Variants in AGAP3 observed in about 807,000 individuals in gnomAD.
AGAP3 encodes the protein ArfGAP with GTPase domain, ankyrin repeat and PH domain 3, also known as arf-GAP with GTPase, ANK repeat and PH domain-containing protein 3.
AGAP3 carries 24 observed loss-of-function variants against 96.9 expected under a neutral mutation model. The ratio of observed to expected loss-of-function variants is 0.25; its 90% CI spans 0.18 to 0.35. The LOEUF (loss-of-function observed/expected upper bound fraction) is 0.35, where lower values mean the gene tolerates loss of function less well. Ranked by LOEUF, AGAP3 falls within the 10% of genes least tolerant of loss-of-function variation. The probability of loss-of-function intolerance (pLI) is 1.00; values close to 1 mark genes in which losing one functional copy is unlikely to be tolerated. For synonymous variants in AGAP3, 563 were observed against 536.1 expected (o/e 1.05, Z -0.69); for missense variants, 876 against 1,254.2 (o/e 0.70, Z 4.55).
At position 151,118,096 on chromosome 7, in the gene AGAP3, G is replaced by A; in HGVS notation, c.707-114G>A. ...CAGGCACCCGCGTTCTTGGTGCTCTGTGTGTTCCACTCACCAGGCCCTTTG... is the reference window on the plus strand; with the variant it reads ...CAGGCACCCGCGTTCTTGGTGCTCTATGTGTTCCACTCACCAGGCCCTTTG... On this transcript the variant is annotated intron_variant, in intron 5 of 17. Coordinates refer to ENST00000397238, the MANE Select transcript of AGAP3 (RefSeq NM_031946.7). This position sits in a 1 kb window ranked among gnomAD's most constrained non-coding sequence, Gnocchi z 6.1. The A allele has an allele frequency of 1.4e-6, 2 of 1,395,706 alleles. No homozygotes were observed. The highest frequency in any genetic ancestry group is 1.9e-6 in the Non-Finnish European group (2 of 1,025,840). 86.5% of individuals were successfully genotyped at this position (1,395,706 alleles called of 1,614,324 possible). A position where few individuals can be genotyped will look rare whatever the true frequency, so the allele number is the denominator to read the frequency against.
intron 9 of AGAP3, among the ~76,000 whole-genome samples, chr7:151,127,763 G>A (rs1800237651): frequency 6.6e-6 from 1 of 152,204 alleles, no homozygotes; most frequent in Non-Finnish European, 1.5e-5. Context: ...TGGGAAGGAG[G>A]CCACAGCTGT....
At chr7:151,093,706 G>A (rs1054533058) in intron 1 of AGAP3, among the ~76,000 whole-genome samples, 8 of 152,184 alleles carry the variant, frequency 5.3e-5, no homozygotes, top group African/African-American at 1.7e-4. Flanking sequence ...AAGGGGAGCC[G>A]GAGATTCACA....
chr7:151,122,621 C>T (rs576998663), intron 8 of AGAP3: 26 of 1,373,988 alleles, frequency 1.9e-5, no homozygotes, highest in Middle Eastern at 3.7e-4. Context: ...ATCCCGCTGC[C>T]GCCGCTCCCC....
chr7:151,122,983 G>A, intron 8 of AGAP3: 2 of 1,425,122 alleles, frequency 1.4e-6, no homozygotes, highest in Admixed American at 3.0e-5. Flanking sequence ...GGGCTGCCGG[G>A]GACCAGGCCC....
chr7:151,120,814 G>A (rs1309913657), intron 8 of AGAP3: 1 of 1,169,584 alleles, frequency 8.6e-7, no homozygotes, highest in African/African-American at 1.6e-5. Flanking sequence ...CCTGGGGGCT[G>A]TTGTGCTGGC....
chr7:151,119,895 G>A, intron 7 of AGAP3, 92 bp from the exon 8 acceptor site: 2 of 1,303,628 alleles, frequency 1.5e-6, no homozygotes, highest in South Asian at 1.3e-5. Flanking sequence ...GCCCCGGCCA[G>A]GCCCCCATTA....
At position 151,108,179 on chromosome 7, in the gene AGAP3, C is replaced by T. The variant is rs1199875857; in HGVS notation, c.332-8614C>T. 6.6e-6 allele frequency among the ~76,000 whole-genome samples: 1 copy of T among 152,218 alleles called. No individual in the cohort carries two copies. Among genetic ancestry groups the T allele is most frequent in the Admixed American group, 6.5e-5 (1 of 15,294 alleles). ...CAAAGCCAGGAGGCCAGATGGGGGA[C>T]ATGCTAAGGGACCGAGTCTTCGAGG... On this transcript the variant is annotated intron_variant, in intron 1 of 17. Coordinates refer to ENST00000397238, the MANE Select transcript of AGAP3 (RefSeq NM_031946.7). This position sits in a 1 kb window ranked among gnomAD's most constrained non-coding sequence, Gnocchi z 4.2.
chr7:151,128,759 A>G, intron 10 of AGAP3, 75 bp downstream of exon 10: 5 of 1,298,094 alleles, frequency 3.9e-6, no homozygotes, highest in Admixed American at 1.8e-5. Flanking sequence ...TGCGGGTAGC[A>G]GACAGGCTCC....
rs191096334 is a variant in AGAP3, at chr7:151,119,991, C to T, written c.974C>T (p.Thr325Met). The change falls in exon 8 of 18, where the codon ACG (threonine) becomes ATG (methionine). Residue 325 changes from threonine (T) to methionine (M), a missense_variant. Physicochemically the swap from Thr to Met is moderately conservative, Grantham distance 81. Coordinates refer to ENST00000397238, the MANE Select transcript of AGAP3 (RefSeq NM_031946.7). ...SIPAVHINQA[T>M]NGGGSAFSDY... ...AGCAGCCCTCTTTGTCCTTAGGCCA[C>T]GAATGGCGGCGGCAGCGCCTTCAGC... 1.7e-4 allele frequency: 275 copies of T among 1,613,528 alleles called. No homozygotes were observed. Among genetic ancestry groups the T allele is most frequent in the East Asian group, 3.3e-4 (15 of 44,876 alleles).
chr7:151,116,625 T>C (rs1585072520), intron 1 of AGAP3, 168 bp from the exon 2 acceptor site: 1 of 702,262 alleles, frequency 1.4e-6, no homozygotes, highest in East Asian at 2.5e-5. Flanking sequence ...AGAAGAACCT[T>C]CCCACTGCCT....
rs1424607907 is a variant in AGAP3, at chr7:151,142,203, C to T, written c.2000C>T (p.Ala667Val). Residue 667 changes from alanine (A) to valine (V), a missense_variant, in exon 15 of 18, where the codon GCC (alanine) becomes GTC (valine). This residue lies in a region of AGAP3 where 103 missense variants were observed against 183.0 expected (regional missense o/e 0.56). Transcript: ENST00000397238. The surrounding 1 kb of genome is among the most constrained non-coding windows in gnomAD (Gnocchi z 7.5). The stretch of plus-strand genomic sequence containing the variant: ...CAGAACGCAGCTCTGGCTGTGCAGG[C>T]CGTCCGCACCGTCCGCGGCAACAGC... ...GNQNAALAVQ[A>V]VRTVRGNSFC... The T allele has an allele frequency of 1.2e-6, 2 of 1,613,608 alleles. No homozygotes were observed. The highest frequency in any genetic ancestry group is 1.7e-6 in the Non-Finnish European group (2 of 1,180,008).
chr7:151,123,043 A>C, intron 8 of AGAP3: 1 of 1,320,958 alleles, frequency 7.6e-7, no homozygotes. Flanking sequence ...GCTCGGCCCC[A>C]CGCCCGGCGC....
chr7:151,087,214 T>A (rs1798193955), intron 1 of AGAP3, 142 bp downstream of exon 1: 3 of 902,228 alleles, frequency 3.3e-6, no homozygotes, highest in African/African-American at 3.3e-5. Context: ...GGTTTGCCGA[T>A]CTGTGTTGCA....
In AGAP3 at chr7:151,108,611, G is replaced by A. The variant is rs987029354; in HGVS notation, c.332-8182G>A. Among the ~76,000 whole-genome samples, 2 of 152,196 alleles carry A rather than the reference G, an allele frequency of 1.3e-5. No homozygotes were observed. The highest frequency in any genetic ancestry group is 2.1e-4 in the South Asian group (1 of 4,830). ...CCCAAGGATGTAGGCTGGGTCCTACGCCAGTCCAGACTGCCAGCCGCGTCA... is the reference window on the plus strand; with the variant it reads ...CCCAAGGATGTAGGCTGGGTCCTACACCAGTCCAGACTGCCAGCCGCGTCA... On this transcript the variant is annotated intron_variant, in intron 1 of 17. Transcript: ENST00000397238. This position sits in a 1 kb window ranked among gnomAD's most constrained non-coding sequence, Gnocchi z 4.2.
rs539059510 is a variant in AGAP3, at chr7:151,128,577, C to T, written c.1222-3C>T. 23 of 1,613,504 alleles carry T rather than the reference C, an allele frequency of 1.4e-5. No individual in the cohort carries two copies. In the African/African-American group the frequency reaches 2.4e-4, roughly 17 times the overall value. ...TGGTTTCTGATCAGACCTCTGTTCT[C>T]AGGGGATCCTGCTAAAGCGGAGCGG... On this transcript the variant is annotated splice_polypyrimidine_tract_variant and splice_region_variant and intron_variant, in intron 9 of 17. Transcript: ENST00000397238.
intron 9 of AGAP3, among the ~76,000 whole-genome samples, chr7:151,126,563 G>C (rs1380312978): frequency 6.6e-6 from 1 of 152,108 alleles, no homozygotes; most frequent in Non-Finnish European, 1.5e-5. Context: ...TGCTGGGGGC[G>C]GGGCGGGGGG....
At chr7:151,116,950 C>T (rs1799619465) in intron 2 of AGAP3, 99 bp downstream of exon 2, 2 of 1,540,788 alleles carry the variant, frequency 1.3e-6, no homozygotes, top group Admixed American at 1.7e-5. Flanking sequence ...CTGTCCCCTT[C>T]TCTGCTCAGC....
rs1233724601 is a variant in AGAP3, at chr7:151,118,499, C to T, written c.842-6C>T. 6.2e-7 allele frequency: 1 copy of T among 1,614,202 alleles called. No homozygotes were observed. The highest frequency in any genetic ancestry group is 8.5e-7 in the Non-Finnish European group (1 of 1,180,032). On this transcript the variant is annotated splice_polypyrimidine_tract_variant and splice_region_variant and intron_variant, in intron 6 of 17. Transcript: ENST00000397238. The surrounding 1 kb of genome is among the most constrained non-coding windows in gnomAD (Gnocchi z 6.1). ...TGGGTATAATTGACTCTGCTGTCCC[C>T]TGCAGTGGCCCAGAAGGTAGTGGCC...
At chr7:151,131,768 C>T (rs1220391535) in intron 10 of AGAP3, among the ~76,000 whole-genome samples, 2 of 152,218 alleles carry the variant, frequency 1.3e-5, no homozygotes, top group South Asian at 2.1e-4. Flanking sequence ...CAGAGTCCCC[C>T]CTGCAACTCT....
Sources: allele counts gnomAD v4.1 joint callset (sites outside exome capture counted in the v4.1 genomes callset), GRCh38; gene constraint gnomAD v4.1.1; regional missense constraint gnomAD v4.1.1; non-coding constraint Gnocchi (gnomAD v3.1); transcripts MANE v1.5; gene names NCBI Gene and HGNC (gene_info 2026-07-23, HGNC 2026-07-21).